EEFSEC: variants seen among roughly 807,000 people sequenced by gnomAD.
EEFSEC encodes the protein selenocysteine-specific elongation factor.
EEFSEC carries 43 observed loss-of-function variants against 42.1 expected under a neutral mutation model. The ratio of observed to expected loss-of-function variants is 1.02; its 90% CI spans 0.80 to 1.32. The LOEUF is 1.32. Ranked by LOEUF, EEFSEC falls within the 40% of genes most tolerant of loss-of-function variation. EEFSEC has a pLI of 0.00. For missense variants in EEFSEC, 745 were observed against 803.6 expected, an observed-to-expected ratio of 0.93 and a Z score of 0.88; for synonymous variants, 354 against 339.1, an observed-to-expected ratio of 1.04 and a Z score of -0.48.
intron 6 of EEFSEC, among the ~76,000 whole-genome samples, chr3:128,364,229 A>G (rs919184836): frequency 2.6e-5 from 4 of 152,188 alleles, no homozygotes; most frequent in Admixed American, 2.6e-4. Flanking sequence ...GGATACTGAG[A>G]TCCTTCTCAG....
intron 6 of EEFSEC, among the ~76,000 whole-genome samples, chr3:128,400,721 C>T (rs1323519021): frequency 1.2e-4 from 18 of 152,230 alleles, no homozygotes; most frequent in Admixed American, 1.1e-3. Context: ...AACATGAAAG[C>T]AACGCCAGCA....
intron 4 of EEFSEC, among the ~76,000 whole-genome samples, chr3:128,269,737 G>A (rs1344663802): frequency 6.6e-6 from 1 of 152,206 alleles, no homozygotes; most frequent in Non-Finnish European, 1.5e-5. Flanking sequence ...AGGGAGTGAA[G>A]GAGAAAAAAA....
At chr3:128,250,715 C>T (rs2066176263) in intron 2 of EEFSEC, among the ~76,000 whole-genome samples, 1 of 152,072 alleles carries the variant, frequency 6.6e-6, no homozygotes, top group African/African-American at 2.4e-5. Context: ...TTTTGGCTAT[C>T]TGGTGCTCCT....
At chr3:128,207,411 A>G (rs2955126) in intron 1 of EEFSEC, among the ~76,000 whole-genome samples, 130,403 of 151,964 alleles carry the variant, frequency 0.86, 56,168 homozygotes, top group East Asian at 0.99. Flanking sequence ...GAGGAGCCAC[A>G]TTGTTTGTTT....
chr3:128,297,636 G>A (rs2066721028), intron 4 of EEFSEC, among the ~76,000 whole-genome samples: 1 of 152,186 alleles, frequency 6.6e-6, no homozygotes, highest in African/African-American at 2.4e-5. Context: ...TAGCCTCATG[G>A]GAGGGCTCCA....
At chr3:128,342,034 G>A in intron 5 of EEFSEC, 145 bp downstream of exon 5, 1 of 1,197,432 alleles carries the variant, frequency 8.4e-7, no homozygotes, top group Non-Finnish European at 1.1e-6. Context: ...CAAGGCATCT[G>A]ATGCCCAGAA....
At chr3:128,364,228 G>GA (rs2067561633) in intron 6 of EEFSEC, among the ~76,000 whole-genome samples, 1 of 152,212 alleles carries the variant, frequency 6.6e-6, no homozygotes, top group Non-Finnish European at 1.5e-5. Flanking sequence ...GGGATACTGA[G>GA]ATCCTTCTCA....
At chr3:128,310,971 G>T (rs2066883949) in intron 4 of EEFSEC, among the ~76,000 whole-genome samples, 1 of 152,196 alleles carries the variant, frequency 6.6e-6, no homozygotes, top group Admixed American at 6.5e-5. Flanking sequence ...GTGGGGAAAG[G>T]CCCACTTGAT....
At chr3:128,347,500 G>T (rs1484596343) in intron 5 of EEFSEC, among the ~76,000 whole-genome samples, 1 of 152,200 alleles carries the variant, frequency 6.6e-6, no homozygotes, top group East Asian at 1.9e-4. Flanking sequence ...GAAACTATAT[G>T]AATGCAGTGA....
intron 1 of EEFSEC, among the ~76,000 whole-genome samples, chr3:128,235,573 G>A (rs1292008183): frequency 6.6e-6 from 1 of 152,160 alleles, no homozygotes; most frequent in African/African-American, 2.4e-5. Flanking sequence ...TTTTAAGCAT[G>A]TTCTTTCTCC....
chr3:128,215,929 A>G (rs983134862), intron 1 of EEFSEC, among the ~76,000 whole-genome samples: 1 of 152,132 alleles, frequency 6.6e-6, no homozygotes, highest in Non-Finnish European at 1.5e-5. Context: ...TCCCACGCCT[A>G]TCCCTGGAGC....
intron 6 of EEFSEC, among the ~76,000 whole-genome samples, chr3:128,388,143 G>T (rs1349369534): frequency 6.6e-6 from 1 of 152,210 alleles, no homozygotes; most frequent in African/African-American, 2.4e-5. Flanking sequence ...CTTTCTCTGA[G>T]CTCTGTTCCT....
At chr3:128,355,261 C>T (rs1028698671) in intron 5 of EEFSEC, among the ~76,000 whole-genome samples, 1 of 152,124 alleles carries the variant, frequency 6.6e-6, no homozygotes, top group Admixed American at 6.5e-5. Context: ...AGTGGCCAGG[C>T]TCTCAGAACA....
At chr3:128,294,217 C>T (rs1458182991) in intron 4 of EEFSEC, among the ~76,000 whole-genome samples, 1 of 152,172 alleles carries the variant, frequency 6.6e-6, no homozygotes, top group African/African-American at 2.4e-5. Flanking sequence ...AGATATCCCT[C>T]CTTCCCATAG....
intron 1 of EEFSEC, among the ~76,000 whole-genome samples, chr3:128,158,423 A>C (rs1379651242): frequency 6.6e-6 from 1 of 152,186 alleles, no homozygotes; most frequent in Non-Finnish European, 1.5e-5. Flanking sequence ...CTACAGATAA[A>C]TTTTTGTAAA....
rs578089647 is a variant in EEFSEC at position 128,242,684 on chromosome 3, T to C, written c.317-4152T>C. Reference sequence around the variant, plus strand: ...TGTAAGTTTTTCATTATTTTTGAAATGATTAAGATATATAATTTACAGAAT... The same window carrying C: ...TGTAAGTTTTTCATTATTTTTGAAACGATTAAGATATATAATTTACAGAAT... On this transcript the variant is annotated intron_variant, in intron 1 of 6. Coordinates refer to ENST00000254730, the MANE Select transcript of EEFSEC (RefSeq NM_021937.5). Among the ~76,000 whole-genome samples, 29 of 152,312 alleles carry C rather than the reference T, an allele frequency of 1.9e-4. No individual in the cohort carries two copies. The East Asian group carries it at 5.4e-3, about 28-fold the overall frequency.
chr3:128,226,567 C>T (rs947813793), intron 1 of EEFSEC, among the ~76,000 whole-genome samples: 8 of 152,170 alleles, frequency 5.3e-5, no homozygotes, highest in African/African-American at 1.9e-4. Flanking sequence ...CTGAATGGCC[C>T]CTTCCCTTAG....
intron 4 of EEFSEC, among the ~76,000 whole-genome samples, chr3:128,316,265 T>A (rs1247477155): frequency 6.6e-6 from 1 of 152,230 alleles, no homozygotes; most frequent in Admixed American, 6.5e-5. Flanking sequence ...GTTAAGAGCA[T>A]GCTCTGTGTT....
chr3:128,379,362 A>G (rs1238264331), intron 6 of EEFSEC, among the ~76,000 whole-genome samples: 9 of 152,264 alleles, frequency 5.9e-5, no homozygotes, highest in Admixed American at 5.2e-4. Context: ...AAGAACTGTT[A>G]CAACAGTGTT....
Sources: gnomAD v4.1 joint callset for allele counts (sites outside exome capture counted in the v4.1 genomes callset) on GRCh38, gnomAD v4.1.1 for gene constraint, MANE v1.5 for transcripts, NCBI Gene and HGNC (gene_info 2026-07-23, HGNC 2026-07-21) for gene names.